Variants in PDLIM5 observed in about 807,000 individuals in gnomAD.
PDLIM5 encodes the protein PDZ and LIM domain protein 5.
A neutral mutation model predicts 64.2 loss-of-function variants in PDLIM5; 34 were observed. The observed-to-expected ratio is 0.53, with a 90% CI of 0.40 to 0.71. The LOEUF (loss-of-function observed/expected upper bound fraction) is 0.71, where lower values mean the gene tolerates loss of function less well. Among genes scored for constraint, PDLIM5 ranks in the 30% least tolerant of loss-of-function variants. The pLI is 0.00. For missense variants in PDLIM5, 683 were observed against 733.6 expected (o/e 0.93, Z 0.80); for synonymous variants, 253 against 269.1 (o/e 0.94, Z 0.59).
At chr4:94,510,776 G>A (rs1728802216) in intron 2 of PDLIM5, among the ~76,000 whole-genome samples, 1 of 152,072 alleles carries the variant, frequency 6.6e-6, no homozygotes, top group Non-Finnish European at 1.5e-5. Context: ...GGGAGACTGA[G>A]GCAGGCGGAT....
chr4:94,667,863 A>G lies in PDLIM5; in HGVS notation c.*3796A>G, dbSNP rs938962777. The stretch of plus-strand genomic sequence containing the variant: ...ATAATTTCTTCTTTACCCCCGTTCC[A>G]GTGTGAATCTAGTATTCTGTTAACA... On this transcript the variant is annotated 3_prime_UTR_variant, in exon 13 of 13. Transcript: ENST00000317968. 6.6e-6 allele frequency: 1 copy of G among 152,136 alleles called. No individual in the cohort carries two copies. The highest frequency in any genetic ancestry group is 1.5e-5 in the Non-Finnish European group (1 of 68,018). The allele number at this position is 152,136 out of a possible 1,614,324, so 9.4% of individuals were successfully genotyped here. A position where few individuals can be genotyped will look rare whatever the true frequency, so the allele number is the denominator to read the frequency against.
At chr4:94,612,513 A>T (rs1357280672) in intron 7 of PDLIM5, among the ~76,000 whole-genome samples, 4 of 152,170 alleles carry the variant, frequency 2.6e-5, no homozygotes, top group Non-Finnish European at 5.9e-5. Flanking sequence ...AGAGCTATAG[A>T]TCCTCTCTCC....
At chr4:94,619,959 C>A (rs1234419942) in intron 8 of PDLIM5, among the ~76,000 whole-genome samples, 1 of 152,158 alleles carries the variant, frequency 6.6e-6, no homozygotes, top group Non-Finnish European at 1.5e-5. Context: ...TGATTTGCTG[C>A]TTTACTCCTC....
At position 94,667,806 on chromosome 4, in the gene PDLIM5, G is replaced by A. The variant is rs1169691265; in HGVS notation, c.*3739G>A. On this transcript the variant is annotated 3_prime_UTR_variant, in exon 13 of 13. Transcript: ENST00000317968. ...TACAACAAAAATGTACCATTTTCAA[G>A]CAGTACTACATTAGGAGCCCTTTTA... 1 of 151,962 alleles carries A rather than the reference G, an allele frequency of 6.6e-6. No homozygotes were observed. The highest frequency in any genetic ancestry group is 1.9e-4 in the East Asian group (1 of 5,190). The allele number at this position is 151,962 out of a possible 1,614,324, so 9.4% of individuals were successfully genotyped here.
At chr4:94,649,429 C>A (rs532570294) in intron 9 of PDLIM5, among the ~76,000 whole-genome samples, 2 of 152,320 alleles carry the variant, frequency 1.3e-5, no homozygotes, top group South Asian at 2.1e-4. Flanking sequence ...TATTTAAATT[C>A]TCCCATTTCA....
chr4:94,658,778 A>AGT (rs1742419082), intron 11 of PDLIM5, among the ~76,000 whole-genome samples: 1 of 152,240 alleles, frequency 6.6e-6, no homozygotes, highest in Admixed American at 6.5e-5. Context: ...ATTCCAGTGA[A>AGT]GTACCCCATG....
intron 8 of PDLIM5, among the ~76,000 whole-genome samples, chr4:94,630,905 T>A (rs951864732): frequency 3.9e-5 from 6 of 152,086 alleles, no homozygotes; most frequent in Non-Finnish European, 8.8e-5. Flanking sequence ...TGTTTGTCCT[T>A]AGCAAAAGTA....
intron 11 of PDLIM5, among the ~76,000 whole-genome samples, chr4:94,661,874 G>C (rs1742749199): frequency 6.6e-6 from 1 of 150,972 alleles, no homozygotes; most frequent in Non-Finnish European, 1.5e-5. Context: ...AGGCTGGAGT[G>C]CAGTGGCGCG....
chr4:94,562,850 G>C (rs2510767), intron 3 of PDLIM5, among the ~76,000 whole-genome samples: 49,937 of 151,942 alleles, frequency 0.33, 8,403 homozygotes, highest in East Asian at 0.44. Context: ...CTGTAACATA[G>C]AAAAGGTATC....
At chr4:94,506,336 A>G (rs931519004) in intron 2 of PDLIM5, among the ~76,000 whole-genome samples, 1 of 152,324 alleles carries the variant, frequency 6.6e-6, no homozygotes, top group Non-Finnish European at 1.5e-5. Context: ...CAGCTAAATG[A>G]TTGACAAAAT....
chr4:94,573,225 A>G, intron 3 of PDLIM5, 126 bp from the exon 4 acceptor site: 1 of 691,098 alleles, frequency 1.4e-6, no homozygotes, highest in South Asian at 1.9e-5. Context: ...ATGAATTATG[A>G]AACGATACAT....
chr4:94,555,916 TTTA>T (rs1733261619), intron 3 of PDLIM5, among the ~76,000 whole-genome samples: 1 of 151,398 alleles, frequency 6.6e-6, no homozygotes, highest in Non-Finnish European at 1.5e-5. Context: ...TATATATATT[TTTA>T]TTATACTTTA....
intron 3 of PDLIM5, among the ~76,000 whole-genome samples, chr4:94,553,342 C>T (rs1470680460): frequency 6.6e-6 from 1 of 152,126 alleles, no homozygotes; most frequent in East Asian, 1.9e-4. Context: ...CTCCTGACCT[C>T]AAGTGATCTG....
chr4:94,618,996 G>A (rs1739007824), intron 8 of PDLIM5, among the ~76,000 whole-genome samples: 1 of 151,938 alleles, frequency 6.6e-6, no homozygotes, highest in Non-Finnish European at 1.5e-5. Context: ...CTTAGTTATC[G>A]ATAATTTACA....
At chr4:94,614,702 A>G (rs186492889) in intron 7 of PDLIM5, among the ~76,000 whole-genome samples, 1 of 150,448 alleles carries the variant, frequency 6.6e-6, no homozygotes, top group Non-Finnish European at 1.5e-5. Context: ...TTTGTAGCTA[A>G]AGAGTACTGT....
chr4:94,527,348 C>T (rs756138216), intron 3 of PDLIM5, among the ~76,000 whole-genome samples: 2 of 151,978 alleles, frequency 1.3e-5, no homozygotes, highest in Non-Finnish European at 2.9e-5. Flanking sequence ...AGTCACCACG[C>T]GTGGCCCTGA....
Position 94,536,255 on chromosome 4 carries a change from C to T in PDLIM5, c.248+12380C>T, listed in dbSNP as rs77681345. Among the ~76,000 whole-genome samples, 1,452 of 152,106 alleles carry T rather than the reference C, an allele frequency of 9.5e-3. 33 individuals carry two copies. Among genetic ancestry groups the T allele is most frequent in the African/African-American group, 0.032 (1,329 of 41,492 alleles). Reference sequence around the variant, plus strand: ...GTAGCAGAGATAGAAAATCCCAGGCCGGAAGACAGCTGAAGGAGTAACATG... The same window carrying T: ...GTAGCAGAGATAGAAAATCCCAGGCTGGAAGACAGCTGAAGGAGTAACATG... On this transcript the variant is annotated intron_variant, in intron 3 of 12. Transcript: ENST00000317968.
chr4:94,469,582 G>C (rs1184385557), intron 2 of PDLIM5, among the ~76,000 whole-genome samples: 1 of 151,970 alleles, frequency 6.6e-6, no homozygotes, highest in African/African-American at 2.4e-5. Flanking sequence ...CAGGGTGAGA[G>C]ATAAAGAGGT....
At chr4:94,630,757 T>A (rs1200637407) in intron 8 of PDLIM5, among the ~76,000 whole-genome samples, 1 of 152,168 alleles carries the variant, frequency 6.6e-6, no homozygotes, top group African/African-American at 2.4e-5. Context: ...AAATAAGGAA[T>A]CAAAATGTAT....
Sources: gnomAD v4.1 joint callset for allele counts (sites outside exome capture counted in the v4.1 genomes callset) on GRCh38, gnomAD v4.1.1 for gene constraint, MANE v1.5 for transcripts, NCBI Gene and HGNC (gene_info 2026-07-23, HGNC 2026-07-21) for gene names.